Variants in SSBP2 observed in about 807,000 individuals in gnomAD.
SSBP2 encodes single stranded DNA binding protein 2.
SSBP2 carries 17 observed loss-of-function variants against 61.8 expected under a neutral mutation model. That is an observed-to-expected ratio of 0.28 (90% CI 0.19 to 0.41). SSBP2 has a LOEUF of 0.41. Ranked by LOEUF, SSBP2 falls within the 10% of genes least tolerant of loss-of-function variation. SSBP2 has a pLI of 1.00. For missense variants in SSBP2, 310 were observed against 458.7 expected, an observed-to-expected ratio of 0.68 and a Z score of 2.96; for synonymous variants, 139 against 141.3, an observed-to-expected ratio of 0.98 and a Z score of 0.12.
intron 6 of SSBP2, among the ~76,000 whole-genome samples, chr5:81,476,427 T>C (rs1050773544): frequency 5.3e-5 from 8 of 152,190 alleles, no homozygotes; most frequent in African/African-American, 1.4e-4. Flanking sequence ...TCTATGTCTA[T>C]TCTATCCCTA....
At chr5:81,705,690 T>G (rs552732476) in intron 1 of SSBP2, among the ~76,000 whole-genome samples, 1 of 152,346 alleles carries the variant, frequency 6.6e-6, no homozygotes, top group East Asian at 1.9e-4. Flanking sequence ...TATTCCTGAC[T>G]TTTTATATTG....
intron 1 of SSBP2, among the ~76,000 whole-genome samples, chr5:81,739,451 G>A (rs914223746): frequency 6.6e-6 from 1 of 152,066 alleles, no homozygotes; most frequent in African/African-American, 2.4e-5. Context: ...ACAGCCCTAG[G>A]CTAGATTCAA....
intron 4 of SSBP2, among the ~76,000 whole-genome samples, chr5:81,540,810 C>T (rs528186456): frequency 9.9e-5 from 15 of 152,078 alleles, no homozygotes; most frequent in African/African-American, 3.4e-4. Context: ...GCAGTATCTC[C>T]GATTTGCACC....
At chr5:81,739,147 G>C (rs913846378) in intron 1 of SSBP2, among the ~76,000 whole-genome samples, 3 of 104,920 alleles carry the variant, frequency 2.9e-5, no homozygotes, top group Non-Finnish European at 5.1e-5. Flanking sequence ...CCTGGTGACA[G>C]AGTGAGACTC....
intron 10 of SSBP2, among the ~76,000 whole-genome samples, chr5:81,453,578 T>G (rs564088057): frequency 0.012 from 1,863 of 149,990 alleles, 14 homozygotes; most frequent in Middle Eastern, 0.024. Flanking sequence ...TGCCTCAGCC[T>G]CCCGAGTAGC....
rs6887220 is a variant in SSBP2, at chr5:81,480,454, T to A, written c.433-5892A>T. 7.4e-3 allele frequency among the ~76,000 whole-genome samples: 1,123 copies of A among 152,332 alleles called. 8 individuals carry two copies. Among genetic ancestry groups the A allele is most frequent in the African/African-American group, 0.024 (1,015 of 41,576 alleles). ...GTATATACCTGAATTTAAAAATATT[T>A]TGTTGGTAAAAAATGCTAATAATCA... On this transcript the variant is annotated intron_variant, in intron 6 of 16. Coordinates refer to ENST00000320672, the MANE Select transcript of SSBP2 (RefSeq NM_012446.5).
intron 4 of SSBP2, among the ~76,000 whole-genome samples, chr5:81,579,955 C>T (rs1561561315): frequency 6.6e-6 from 1 of 152,006 alleles, no homozygotes; most frequent in African/African-American, 2.4e-5. Context: ...TTAAGAGATG[C>T]TTTATCTTAA....
intron 12 of SSBP2, among the ~76,000 whole-genome samples, chr5:81,445,231 A>C (rs1763331953): frequency 7.1e-6 from 1 of 140,624 alleles, no homozygotes; most frequent in South Asian, 2.3e-4. Flanking sequence ...ACTTTACAAT[A>C]AAGTGGATCT....
At chr5:81,751,242 G>T (rs114323033), upstream of SSBP2, 2,447 of 601,936 alleles carry the variant, frequency 4.1e-3, 58 homozygotes, top group African/African-American at 0.042. Flanking sequence ...AGCGCGCGGT[G>T]GCGGCTAAGC....
At chr5:81,431,273 G>A (rs1232618288) in intron 15 of SSBP2, among the ~76,000 whole-genome samples, 1 of 152,012 alleles carries the variant, frequency 6.6e-6, no homozygotes, top group Non-Finnish European at 1.5e-5. Flanking sequence ...GATACATTAG[G>A]CCCATCGGTT....
At chr5:81,637,594 T>C (rs576902610) in intron 2 of SSBP2, among the ~76,000 whole-genome samples, 1 of 152,334 alleles carries the variant, frequency 6.6e-6, no homozygotes, top group African/African-American at 2.4e-5. Context: ...CTGTGTGAAG[T>C]TGCGAAAGTT....
At chr5:81,528,999 T>C (rs532239944) in intron 4 of SSBP2, among the ~76,000 whole-genome samples, 4 of 152,094 alleles carry the variant, frequency 2.6e-5, no homozygotes, top group Non-Finnish European at 5.9e-5. Flanking sequence ...TGGACACTTA[T>C]AAAACCCTGT....
chr5:81,501,389 T>G (rs1007154141), intron 5 of SSBP2, among the ~76,000 whole-genome samples: 4 of 148,890 alleles, frequency 2.7e-5, no homozygotes, highest in African/African-American at 7.4e-5. Context: ...GTATTTGTGA[T>G]GTCAGAGAGT....
intron 10 of SSBP2, among the ~76,000 whole-genome samples, chr5:81,454,534 A>C (rs1763997806): frequency 6.6e-6 from 1 of 152,084 alleles, no homozygotes; most frequent in African/African-American, 2.4e-5. Flanking sequence ...TACAAAAGTT[A>C]GCTGGGCATG....
intron 1 of SSBP2, among the ~76,000 whole-genome samples, chr5:81,716,039 A>T (rs1755145944): frequency 6.6e-6 from 1 of 151,986 alleles, no homozygotes; most frequent in South Asian, 2.1e-4. Flanking sequence ...CCTGGGTGAC[A>T]GAGTGAGACC....
intron 4 of SSBP2, among the ~76,000 whole-genome samples, chr5:81,561,616 A>G (rs752845760): frequency 6.7e-6 from 1 of 148,968 alleles, no homozygotes; most frequent in African/African-American, 2.5e-5. Context: ...GACCAAAAGA[A>G]AAAAAAAAAG....
At chr5:81,430,706 C>T (rs1321602743) in intron 15 of SSBP2, among the ~76,000 whole-genome samples, 2 of 134,048 alleles carry the variant, frequency 1.5e-5, no homozygotes, top group African/African-American at 6.4e-5. Flanking sequence ...CATGGTGGCT[C>T]AGCATTATAC....
At chr5:81,456,877 T>C (rs751511021) in intron 10 of SSBP2, among the ~76,000 whole-genome samples, 1 of 152,242 alleles carries the variant, frequency 6.6e-6, no homozygotes, top group Non-Finnish European at 1.5e-5. Context: ...ACAGGTTTCA[T>C]ACTTTCAGAG....
intron 1 of SSBP2, among the ~76,000 whole-genome samples, chr5:81,694,579 C>A (rs1242327505): frequency 6.6e-6 from 1 of 151,530 alleles, no homozygotes; most frequent in Non-Finnish European, 1.5e-5. Context: ...CTTTTTATTT[C>A]AATTTTTAAA....
Sources: gnomAD v4.1 joint callset for allele counts (sites outside exome capture counted in the v4.1 genomes callset) on GRCh38, gnomAD v4.1.1 for gene constraint, MANE v1.5 for transcripts, NCBI Gene and HGNC (gene_info 2026-07-23, HGNC 2026-07-21) for gene names.